The following SORBS2 variants were observed in gnomAD, a reference collection of about 807,000 sequenced individuals.
The protein encoded by SORBS2 is sorbin and SH3 domain containing 2.
Under a neutral mutation model 97.7 loss-of-function variants are expected in SORBS2, and 46 were observed. The ratio of observed to expected loss-of-function variants is 0.47; its 90% CI spans 0.37 to 0.60. The LOEUF is 0.60. Ranked by LOEUF, SORBS2 falls within the 20% of genes least tolerant of loss-of-function variation. The pLI, the probability that SORBS2 is intolerant of heterozygous loss-of-function variation, is 0.00. For missense variants in SORBS2, 1,316 were observed against 1,282.3 expected (o/e 1.03, Z -0.40); for synonymous variants, 476 against 473.4 (o/e 1.01, Z -0.07).
intron 4 of SORBS2, among the ~76,000 whole-genome samples, chr4:185,634,410 T>C (rs1232135158): frequency 6.6e-6 from 1 of 152,150 alleles, no homozygotes; most frequent in Non-Finnish European, 1.5e-5. Context: ...GAGCAACTAA[T>C]GTGCAAAAAA....
At chr4:185,634,816 T>C (rs2096967293) in intron 4 of SORBS2, among the ~76,000 whole-genome samples, 1 of 152,164 alleles carries the variant, frequency 6.6e-6, no homozygotes, top group African/African-American at 2.4e-5. Context: ...ATGTCTGTCA[T>C]GGGTATGAAA....
intron 1 of SORBS2, among the ~76,000 whole-genome samples, chr4:185,876,749 T>C (rs2099233918): frequency 6.6e-6 from 1 of 152,202 alleles, no homozygotes; most frequent in African/African-American, 2.4e-5. Context: ...TAGAGGTCTA[T>C]CTAACTACTA....
chr4:185,823,107 C>T (rs1265238688), intron 1 of SORBS2, among the ~76,000 whole-genome samples: 1 of 152,186 alleles, frequency 6.6e-6, no homozygotes. Context: ...TGACTCTTCC[C>T]CTGCCCGCTC....
chr4:185,678,489 G>C (rs2097827352), exon 4 of SORBS2: 4 of 1,550,372 alleles, frequency 2.6e-6, no homozygotes, highest in Non-Finnish European at 3.5e-6. Flanking sequence ...CTGCAAGAGA[G>C]GAATATGTAG....
intron 3 of SORBS2, 40 bp downstream of exon 6, chr4:185,678,756 A>G (rs971145481): frequency 7.3e-7 from 1 of 1,367,318 alleles, no homozygotes. Flanking sequence ...TCTAAAAGTC[A>G]CAAATAATAT....
intron 1 of SORBS2, among the ~76,000 whole-genome samples, chr4:185,826,378 C>G (rs2099199809): frequency 6.6e-6 from 1 of 152,178 alleles, no homozygotes; most frequent in South Asian, 2.1e-4. Flanking sequence ...ACGATCACCA[C>G]AAATCCAGGA....
intron 4 of SORBS2, chr4:185,645,701 C>G (rs1394967197): frequency 6.6e-6 from 1 of 152,188 alleles, no homozygotes; most frequent in East Asian, 1.9e-4. Context: ...TCTCTTTTTC[C>G]TGTTCACTGA....
At chr4:185,765,769 A>G (rs2098931077) in intron 2 of SORBS2, among the ~76,000 whole-genome samples, 1 of 152,242 alleles carries the variant, frequency 6.6e-6, no homozygotes, top group African/African-American at 2.4e-5. Flanking sequence ...TACCACAGAA[A>G]AAGGTAGTAT....
At chr4:185,950,591 G>T (rs192310377) in intron 1 of SORBS2, among the ~76,000 whole-genome samples, 207 of 152,312 alleles carry the variant, frequency 1.4e-3, no homozygotes, top group Non-Finnish European at 2.2e-3. Context: ...TGTGGCTCAG[G>T]AGTGATGAAT....
intron 1 of SORBS2, among the ~76,000 whole-genome samples, chr4:185,790,121 CT>C (rs542009718): frequency 0.015 from 2,155 of 145,760 alleles, 20 homozygotes; most frequent in African/African-American, 0.022. Context: ...AGTTTTATTT[CT>C]TTTTTTTTTT....
intron 1 of SORBS2, among the ~76,000 whole-genome samples, chr4:185,869,648 T>C (rs1416155702): frequency 1.3e-5 from 2 of 152,254 alleles, no homozygotes; most frequent in African/African-American, 4.8e-5. Context: ...TTGTCACTTG[T>C]GCATGTTGTC....
At chr4:185,669,101 C>T (rs1276630374) in intron 4 of SORBS2, among the ~76,000 whole-genome samples, 2 of 152,158 alleles carry the variant, frequency 1.3e-5, no homozygotes, top group Non-Finnish European at 2.9e-5. Flanking sequence ...GAGTGCTCAC[C>T]AATCAACACT....
chr4:185,722,435 G>T (rs2098522756), intron 2 of SORBS2, among the ~76,000 whole-genome samples: 1 of 152,162 alleles, frequency 6.6e-6, no homozygotes, highest in Non-Finnish European at 1.5e-5. Flanking sequence ...AACAGTCTCT[G>T]CAATTTATTC....
intron 1 of SORBS2, among the ~76,000 whole-genome samples, chr4:185,931,822 C>CACACACAA (rs955159608): frequency 1.3e-5 from 2 of 151,614 alleles, no homozygotes; most frequent in African/African-American, 4.9e-5. Flanking sequence ...GACACACACA[C>CACACACAA]ATGCACACAT....
intron 2 of SORBS2, among the ~76,000 whole-genome samples, chr4:185,738,567 A>AT (rs1262203241): frequency 1.3e-5 from 2 of 152,006 alleles, no homozygotes; most frequent in African/African-American, 4.8e-5. Context: ...ACCCCTAAAT[A>AT]TTTTTTCCCA....
intron 5 of SORBS2, among the ~76,000 whole-genome samples, 160 bp from the exon 18 acceptor site, chr4:185,627,179 TC>T (rs2096829213): frequency 6.6e-6 from 1 of 152,196 alleles, no homozygotes; most frequent in Admixed American, 6.5e-5. Flanking sequence ...CAACATGATT[TC>T]TCTAGAAGGA....
At chr4:185,691,454 T>C (rs986745113) in intron 2 of SORBS2, among the ~76,000 whole-genome samples, 2 of 152,214 alleles carry the variant, frequency 1.3e-5, no homozygotes, top group African/African-American at 4.8e-5. Flanking sequence ...GCCTGTTAAG[T>C]GTCCTCTTCC....
At chr4:185,708,432 T>C (rs1473801076) in intron 2 of SORBS2, among the ~76,000 whole-genome samples, 1 of 152,214 alleles carries the variant, frequency 6.6e-6, no homozygotes, top group African/African-American at 2.4e-5. Flanking sequence ...TCTTCATTAA[T>C]TTTTTGTTCA....
At chr4:185,856,454 C>T (rs1429432490) in intron 1 of SORBS2, among the ~76,000 whole-genome samples, 5 of 152,316 alleles carry the variant, frequency 3.3e-5, no homozygotes, top group South Asian at 4.1e-4. Flanking sequence ...TTCCCTGAAA[C>T]TCCCACATTT....
Sources: gnomAD v4.1 joint callset for allele counts (sites outside exome capture counted in the v4.1 genomes callset) on GRCh38, gnomAD v4.1.1 for gene constraint, MANE v1.5 for transcripts, NCBI Gene and HGNC (gene_info 2026-07-23, HGNC 2026-07-21) for gene names.